Variants in LARP1B observed in about 807,000 individuals in gnomAD.
The protein encoded by LARP1B is La ribonucleoprotein 1B, also known as la-related protein 1B.
A neutral mutation model predicts 114.2 loss-of-function variants in LARP1B; 76 were observed. The observed-to-expected ratio is 0.67, with a 90% CI of 0.55 to 0.81. The LOEUF (loss-of-function observed/expected upper bound fraction) is 0.81. LARP1B is among the 30% of genes least tolerant of loss of function. The pLI is 0.00. For missense variants in LARP1B, 1,014 were observed against 1,075.8 expected (o/e 0.94, Z 0.80); for synonymous variants, 345 against 348.0 (o/e 0.99, Z 0.10).
chr4:128,095,186 T>A (rs1777448858), intron 7 of LARP1B, among the ~76,000 whole-genome samples: 1 of 152,066 alleles, frequency 6.6e-6, no homozygotes, highest in African/African-American at 2.4e-5. Flanking sequence ...TTTCCTTTAG[T>A]GTTTAAAAAG....
chr4:128,199,914 C>T (rs1008988171), intron 16 of LARP1B, among the ~76,000 whole-genome samples: 1 of 152,068 alleles, frequency 6.6e-6, no homozygotes, highest in African/African-American at 2.4e-5. Context: ...AGTGAAACTC[C>T]ATCTGTACTA....
chr4:128,137,453 T>TA, intron 11 of LARP1B, among the ~76,000 whole-genome samples: 1 of 152,304 alleles, frequency 6.6e-6, no homozygotes, highest in Middle Eastern at 3.4e-3. Flanking sequence ...AGCCAAATCT[T>TA]AGTTATATTT....
chr4:128,098,767 A>ATATATAT (rs1328165907), intron 8 of LARP1B, among the ~76,000 whole-genome samples: 1 of 35,036 alleles, frequency 2.9e-5, no homozygotes, highest in Non-Finnish European at 4.8e-5. Context: ...ATATATATAT[A>ATATATAT]TTTTTTTTTT....
intron 9 of LARP1B, among the ~76,000 whole-genome samples, chr4:128,113,486 G>T (rs907741762): frequency 2.0e-5 from 3 of 151,058 alleles, no homozygotes; most frequent in African/African-American, 7.3e-5. Flanking sequence ...AATTACAGGT[G>T]CTCACCACCA....
chr4:128,135,331 A>T (rs911815093), intron 11 of LARP1B, among the ~76,000 whole-genome samples: 1 of 152,124 alleles, frequency 6.6e-6, no homozygotes, highest in African/African-American at 2.4e-5. Context: ...GTGAATGTAA[A>T]ATGGTGCAGC....
At chr4:128,147,408 C>CT (rs1382594503) in intron 11 of LARP1B, among the ~76,000 whole-genome samples, 2 of 152,014 alleles carry the variant, frequency 1.3e-5, no homozygotes, top group African/African-American at 2.4e-5. Flanking sequence ...AGAGTTTTGC[C>CT]TTGATTATTA....
chr4:128,094,219 C>T (rs1032058122), intron 7 of LARP1B, among the ~76,000 whole-genome samples: 5 of 152,050 alleles, frequency 3.3e-5, no homozygotes, highest in Non-Finnish European at 5.9e-5. Context: ...GCCACCACAC[C>T]TGGCCTACTT....
intron 6 of LARP1B, among the ~76,000 whole-genome samples, chr4:128,219,224 G>C (rs1759781912): frequency 6.9e-6 from 1 of 145,052 alleles, no homozygotes; most frequent in African/African-American, 2.5e-5. Flanking sequence ...AACCATTGTG[G>C]AAGTCAGTGT....
chr4:128,174,771 T>C (rs1745204175), intron 12 of LARP1B, among the ~76,000 whole-genome samples: 1 of 152,118 alleles, frequency 6.6e-6, no homozygotes, highest in Non-Finnish European at 1.5e-5. Context: ...ATATCATTTC[T>C]CCTGGAAATA....
chr4:128,135,309 GCGAACT>G, intron 11 of LARP1B, among the ~76,000 whole-genome samples: 1 of 152,124 alleles, frequency 6.6e-6, no homozygotes, highest in South Asian at 2.1e-4. Context: ...TTAGACCCTT[GCGAACT>G]CTCATGTGAA....
intron 8 of LARP1B, among the ~76,000 whole-genome samples, chr4:128,103,507 G>A (rs1780995628): frequency 6.6e-6 from 1 of 150,476 alleles, no homozygotes; most frequent in Admixed American, 6.6e-5. Context: ...GTTTGTTTAT[G>A]TAAGAGAATA....
chr4:128,132,244 A>G (rs1791783489), intron 11 of LARP1B, among the ~76,000 whole-genome samples: 1 of 151,972 alleles, frequency 6.6e-6, no homozygotes, highest in Non-Finnish European at 1.5e-5. Flanking sequence ...TTTGTTTTTG[A>G]TTATTATTAT....
At chr4:128,097,052 C>G (rs567943510) in intron 7 of LARP1B, among the ~76,000 whole-genome samples, 30 of 152,224 alleles carry the variant, frequency 2.0e-4, no homozygotes, top group African/African-American at 7.0e-4. Flanking sequence ...GCACCCGCCA[C>G]CATGCCCAGC....
chr4:128,153,065 C>T (rs1733651811), intron 11 of LARP1B, among the ~76,000 whole-genome samples: 1 of 142,082 alleles, frequency 7.0e-6, no homozygotes, highest in African/African-American at 2.6e-5. Context: ...TCACTGCAAC[C>T]TCCACCTCCT....
At position 128,196,594 on chromosome 4, in the gene LARP1B, T is replaced by C. The variant is rs72924459; in HGVS notation, c.2004-2845T>C. Among the ~76,000 whole-genome samples, 485 of 151,584 alleles carry C rather than the reference T, an allele frequency of 3.2e-3. 1 individual carries two copies. The highest frequency in any genetic ancestry group is 0.011 in the African/African-American group (466 of 41,468). On this transcript the variant is annotated intron_variant, in intron 15 of 19. Coordinates refer to ENST00000326639, the MANE Select transcript of LARP1B (RefSeq NM_018078.4). Reference sequence around the variant, plus strand: ...TCAAAAAAATTGAAGGAATTTTTGTTTTCTGTTTTTTTTTTTCGGACACGG... The same window carrying C: ...TCAAAAAAATTGAAGGAATTTTTGTCTTCTGTTTTTTTTTTTCGGACACGG...
intron 1 of LARP1B, among the ~76,000 whole-genome samples, chr4:128,062,382 C>T (rs536293339): frequency 6.6e-6 from 1 of 152,276 alleles, no homozygotes; most frequent in Non-Finnish European, 1.5e-5. Flanking sequence ...ATTCACTCTG[C>T]CTATTTACAG....
chr4:128,219,868 G>T (rs753931780), intron 6 of LARP1B, among the ~76,000 whole-genome samples: 5 of 151,868 alleles, frequency 3.3e-5, no homozygotes, highest in Admixed American at 6.6e-5. Context: ...TATTATTTTA[G>T]CTTTGAAATA....
Position 128,222,371 on chromosome 4 carries a change from T to G in LARP1B, n.957T>G. 6.6e-6 allele frequency: 3 copies of G among 456,738 alleles called. 1 individual carries two copies. Among genetic ancestry groups the G allele is most frequent in the South Asian group, 4.6e-5 (3 of 64,564 alleles). 28.3% of individuals were successfully genotyped at this position (456,738 alleles called of 1,614,324 possible). A position where few individuals can be genotyped will look rare whatever the true frequency, so the allele number is the denominator to read the frequency against. On this transcript the variant is annotated non_coding_transcript_exon_variant, in exon 8 of 8. Coordinates refer to the LARP1B transcript ENST00000503725. The stretch of plus-strand genomic sequence containing the variant: ...CAGAATCACCATGATCGATTACTTC[T>G]GCTCATCATAAACATCTAGTTCCTA...
rs143228351 is a variant in LARP1B, at chr4:128,145,660, C to A, written c.1525-16534C>A. On this transcript the variant is annotated intron_variant, in intron 11 of 19. Transcript: ENST00000326639. ...GCACTACCTTCTCAGCTCAGCAGGACAGTTATACTTTGCTTGGGCTGAAGC... is the reference window on the plus strand; with the variant it reads ...GCACTACCTTCTCAGCTCAGCAGGAAAGTTATACTTTGCTTGGGCTGAAGC... Among the ~76,000 whole-genome samples, 6 of 152,266 alleles carry A rather than the reference C, an allele frequency of 3.9e-5. No individual in the cohort carries two copies. The East Asian group carries it at 1.2e-3, about 29-fold the overall frequency.
Sources: allele counts gnomAD v4.1 joint callset (sites outside exome capture counted in the v4.1 genomes callset), GRCh38; gene constraint gnomAD v4.1.1; transcripts MANE v1.5; gene names NCBI Gene and HGNC (gene_info 2026-07-23, HGNC 2026-07-21).